Variants in SLC16A11 observed in about 807,000 individuals in gnomAD.
The protein encoded by SLC16A11 is monocarboxylate transporter 11.
A neutral mutation model predicts 26.0 loss-of-function variants in SLC16A11; 24 were observed. The observed-to-expected ratio is 0.92, with a 90% CI of 0.67 to 1.30. The LOEUF is 1.30. Among genes scored for constraint, SLC16A11 ranks in the 50% most tolerant of loss-of-function variants. SLC16A11 has a pLI of 0.00. For synonymous variants in SLC16A11, 332 were observed against 296.0 expected (o/e 1.12, Z -1.25); for missense variants, 638 against 597.7 (o/e 1.07, Z -0.70).
chr17:7,041,736 G>A lies in SLC16A11; in HGVS notation c.1287C>T (p.Pro429=), dbSNP rs1232339961. ...CTCCTGGGGACAGCAAGACTGCCTGGGGAGCGGGAAGCAGCTCCCCCGTCT... is the reference window on the plus strand; with the variant it reads ...CTCCTGGGGACAGCAAGACTGCCTGAGGAGCGGGAAGCAGCTCCCCCGTCT... ...PPETGELLPA[P]QAVLLSPGGP... is the part of the protein sequence containing the mutation. Residue 429 remains proline (P), a synonymous_variant, in exon 5 of 5, where the codon CCC becomes CCT. Coordinates refer to ENST00000574600, the MANE Select transcript of SLC16A11 (RefSeq NM_001370549.1). The A allele has an allele frequency of 6.2e-7, 1 of 1,613,220 alleles. No individual in the cohort carries two copies. The highest frequency in any genetic ancestry group is 8.5e-7 in the Non-Finnish European group (1 of 1,179,906).
rs750904010 is a variant in SLC16A11 at position 7,042,888 on chromosome 17, C to G, written c.346+42G>C. On this transcript the variant is annotated intron_variant, in intron 3 of 4. Coordinates refer to ENST00000574600, the MANE Select transcript of SLC16A11 (RefSeq NM_001370549.1). This position sits in a 1 kb window ranked among gnomAD's most constrained non-coding sequence, Gnocchi z 5.9. ...CCCAGATCCCAACAAGCTCCTGTCACCTCCTTCACCCTGAATGACCCGGGC... is the reference window on the plus strand; with the variant it reads ...CCCAGATCCCAACAAGCTCCTGTCAGCTCCTTCACCCTGAATGACCCGGGC... The G allele has an allele frequency of 6.2e-7, 1 of 1,611,690 alleles. No homozygotes were observed. Among genetic ancestry groups the G allele is most frequent in the Non-Finnish European group, 8.5e-7 (1 of 1,179,376 alleles).
At position 7,042,739 on chromosome 17, in the gene SLC16A11, GC is replaced by G. The variant is rs756825601; in HGVS notation, c.370del (p.Ala124ProfsTer4). 114 of 1,540,660 alleles carry G rather than the reference GC, an allele frequency of 7.4e-5. No homozygotes were observed. The East Asian group carries it at 2.6e-3, about 36-fold the overall frequency. The stretch of plus-strand genomic sequence containing the variant: ...ACGCGAGAGGGTGCCTAGGGCGGGG[GC>G]GAACACCAGGGCCCAACCAAAGCCT... ...LAGFGWALVF[A>X]PALGTLSRYF... On this transcript the variant is annotated frameshift_variant, in exon 4 of 5. Coordinates refer to ENST00000574600, the MANE Select transcript of SLC16A11 (RefSeq NM_001370549.1). LOFTEE classifies it high-confidence loss of function. The surrounding 1 kb of genome is among the most constrained non-coding windows in gnomAD (Gnocchi z 5.9).
In SLC16A11 at chr17:7,042,578, C is replaced by A. The variant is rs944076129; in HGVS notation, c.532G>T (p.Ala178Ser). ...CAGGGGGTGAGGTGGAGGGTGATCG[C>A]GCCGAGGAGGAGCAGAGCGCCCCGC... Reference protein sequence around the residue: ...GWRGALLLLGAITLHLTPCGA... With the variant: ...GWRGALLLLGSITLHLTPCGA... The change falls in exon 4 of 5, where the codon GCG becomes TCG. Residue 178 changes from alanine (A) to serine (S), a missense_variant. Physicochemically the swap from Ala to Ser is moderately conservative, Grantham distance 99 (BLOSUM62 1). Transcript: ENST00000574600. This position sits in a 1 kb window ranked among gnomAD's most constrained non-coding sequence, Gnocchi z 5.9. 16 of 1,583,286 alleles carry A rather than the reference C, an allele frequency of 1.0e-5. No individual in the cohort carries two copies. The highest frequency in any genetic ancestry group is 1.3e-5 in the African/African-American group (1 of 74,838).
Position 7,043,867 on chromosome 17 carries a change from G to A in SLC16A11, c.-99C>T. On this transcript the variant is annotated 5_prime_UTR_variant, in exon 1 of 5. Coordinates refer to ENST00000574600, the MANE Select transcript of SLC16A11 (RefSeq NM_001370549.1). ...TCCCAGGCGGGCGGGGGCCCCGAAG[G>A]GGAGCGAGGGCAGCGATGGAGCCCA... 1 of 395,188 alleles carries A rather than the reference G, an allele frequency of 2.5e-6. No individual in the cohort carries two copies. Among genetic ancestry groups the A allele is most frequent in the Non-Finnish European group, 4.5e-6 (1 of 222,252 alleles). The allele number at this position is 395,188 out of a possible 1,614,324, so 24.5% of individuals were successfully genotyped here. A position where few individuals can be genotyped will look rare whatever the true frequency, so the allele number is the denominator to read the frequency against.
intron 2 of SLC16A11, 35 bp from the exon 3 acceptor site, chr17:7,043,108 C>T: frequency 6.7e-7 from 1 of 1,494,192 alleles, no homozygotes; most frequent in African/African-American, 1.4e-5. Flanking sequence ...AGACACGCCC[C>T]CGGGCCCCCA....
Position 7,042,863 on chromosome 17 carries a change from C to A in SLC16A11, c.346+67G>T, listed in dbSNP as rs1269424515. On this transcript the variant is annotated intron_variant, in intron 3 of 4. Transcript: ENST00000574600. This position sits in a 1 kb window ranked among gnomAD's most constrained non-coding sequence, Gnocchi z 5.9. ...ACCAGGCCCCCGCCTCGTTCGCTAC[C>A]CCAGATCCCAACAAGCTCCTGTCAC... 1.9e-6 allele frequency: 3 copies of A among 1,604,360 alleles called. No homozygotes were observed. The African/African-American group carries it at 4.0e-5, about 21-fold the overall frequency.
Position 7,042,377 on chromosome 17 carries a change from C to A in SLC16A11, c.733G>T (p.Ala245Ser), listed in dbSNP as rs866755883. 2 of 1,565,980 alleles carry A rather than the reference C, an allele frequency of 1.3e-6. No homozygotes were observed. Among genetic ancestry groups the A allele is most frequent in the East Asian group, 2.4e-5 (1 of 41,986 alleles). The part of the protein sequence containing the change: ...FVPYVHLAPH[A>S]LDRGLGGYGA... ...TATCCCCCCAGGCCCCGGTCTAAAG[C>A]GTGGGGAGCCAAGTGCACGTAAGGA... Residue 245 changes from alanine (A) to serine (S), a missense_variant, in exon 4 of 5, where the codon GCT becomes TCT. Physicochemically the swap from Ala to Ser is moderately conservative, Grantham distance 99. Transcript: ENST00000574600. This position sits in a 1 kb window ranked among gnomAD's most constrained non-coding sequence, Gnocchi z 5.9.
rs75418188 is a variant in SLC16A11, at chr17:7,042,164, C to A, written c.946G>T (p.Gly316Cys). The A allele has an allele frequency of 1.1e-5, 17 of 1,572,002 alleles. No individual in the cohort carries two copies. Among genetic ancestry groups the A allele is most frequent in the Middle Eastern group, 1.7e-4 (1 of 6,002 alleles). ...PVVGGEESWGGPLLAAAVAYG... is the reference protein window; with the variant it reads ...PVVGGEESWGCPLLAAAVAYG... Reference sequence around the variant, plus strand: ...GCCACAGCCGCGGCCAGCAGGGGACCCCCCCAGCTCTCTTCGCCGCCCACC... The same window carrying A: ...GCCACAGCCGCGGCCAGCAGGGGACACCCCCAGCTCTCTTCGCCGCCCACC... The change falls in exon 4 of 5, where the codon GGT becomes TGT. Residue 316 changes from glycine (G) to cysteine (C), a missense_variant. Transcript: ENST00000574600. This position sits in a 1 kb window ranked among gnomAD's most constrained non-coding sequence, Gnocchi z 5.9.
Position 7,043,405 on chromosome 17 carries a change from G to A in SLC16A11, c.109C>T (p.Leu37Phe). 1.2e-6 allele frequency: 2 copies of A among 1,607,554 alleles called. No homozygotes were observed. The highest frequency in any genetic ancestry group is 8.5e-7 in the Non-Finnish European group (1 of 1,179,190). Residue 37 changes from leucine to phenylalanine, a missense_variant, in exon 2 of 5, where the codon CTT (leucine) becomes TTT (phenylalanine). Coordinates refer to ENST00000574600, the MANE Select transcript of SLC16A11 (RefSeq NM_001370549.1). ...TGCTCGGCAAGGTCAGGGAAGGCAA[G>A]GCCCAGCGAGCGCAGCAGCCCGTAG... ...LSYGLLRSLG[L>F]AFPDLAEHFD...
rs114454167 is a variant in SLC16A11, at chr17:7,043,420, G to A, written c.94C>T (p.Leu32=). 2.3e-4 allele frequency: 362 copies of A among 1,603,500 alleles called. 1 individual carries two copies. In the African/African-American group the frequency reaches 4.3e-3, roughly 19 times the overall value. ...GGGAAGGCAAGGCCCAGCGAGCGCA[G>A]CAGCCCGTAGGACAGCCCGTTTATC... ...FAINGLSYGL[L]RSLGLAFPDL... The change falls in exon 2 of 5, where the codon CTG becomes TTG. Residue 32 remains leucine, a synonymous_variant. Transcript: ENST00000574600.
chr17:7,043,479 C>T lies in SLC16A11; in HGVS notation c.35G>A (p.Gly12Asp), dbSNP rs1299981816. The T allele has an allele frequency of 1.3e-6, 2 of 1,598,446 alleles. No individual in the cohort carries two copies. ...TGCGGCCGCCACCACCCAGCCCCAG[C>T]CCCCATCCGGGGGTCCGGCGGGCTG... ...TPQPAGPPDGGWGWVVAAAAF... is the reference protein window; with the variant it reads ...TPQPAGPPDGDWGWVVAAAAF... The change falls in exon 2 of 5, where the codon GGC (glycine) becomes GAC (aspartate). Residue 12 changes from glycine to aspartate, a missense_variant. Gly to Asp is a moderately conservative substitution (Grantham distance 94). Coordinates refer to ENST00000574600, the MANE Select transcript of SLC16A11 (RefSeq NM_001370549.1).
In SLC16A11 at chr17:7,043,892, A is replaced by T. The variant is rs1910887376; in HGVS notation, c.-124T>A. On this transcript the variant is annotated 5_prime_UTR_variant, in exon 1 of 5. Coordinates refer to ENST00000574600, the MANE Select transcript of SLC16A11 (RefSeq NM_001370549.1). ...GGGAGCGAGGGCAGCGATGGAGCCC[A>T]ACTTGGACGGGCTCTCTCGGTAAAC... 2.9e-6 allele frequency: 1 copy of T among 350,442 alleles called. No homozygotes were observed. The allele number at this position is 350,442 out of a possible 1,614,324, so 21.7% of individuals were successfully genotyped here. A position where few individuals can be genotyped will look rare whatever the true frequency, so the allele number is the denominator to read the frequency against.
At position 7,043,447 on chromosome 17, in the gene SLC16A11, C is replaced by T. The variant is rs374135954; in HGVS notation, c.67G>A (p.Ala23Thr). 6.3e-7 allele frequency: 1 copy of T among 1,597,844 alleles called. No homozygotes were observed. The highest frequency in any genetic ancestry group is 1.1e-5 in the South Asian group (1 of 90,338). Residue 23 changes from alanine to threonine, a missense_variant, in exon 2 of 5, where the codon GCG (alanine) becomes ACG (threonine). Transcript: ENST00000574600. ...AGCCCGTAGGACAGCCCGTTTATCG[C>T]GAAGGCTGCGGCCGCCACCACCCAG... ...WGWVVAAAAF[A>T]INGLSYGLLR... is the part of the protein sequence containing the mutation.
Position 7,041,699 on chromosome 17 carries a change from T to A in SLC16A11, c.1324A>T (p.Thr442Ser). Residue 442 changes from threonine (T) to serine (S), a missense_variant, in exon 5 of 5, where the codon ACT becomes TCT. Physicochemically the swap from Thr to Ser is moderately conservative, Grantham distance 58. Transcript: ENST00000574600. ...AATAATCAACAAGTGGTGTCCAGAG[T>A]GGAGCCAGGGCCTCCTGGGGACAGC... ...VLLSPGGPGSTLDTTC is the reference protein window; with the variant it reads ...VLLSPGGPGSSLDTTC The A allele has an allele frequency of 6.2e-7, 1 of 1,608,312 alleles. No homozygotes were observed. The highest frequency in any genetic ancestry group is 1.7e-5 in the Admixed American group (1 of 59,284).
chr17:7,043,158 C>T (rs1830890540), intron 2 of SLC16A11, 85 bp from the exon 3 acceptor site: 2 of 1,459,262 alleles, frequency 1.4e-6, no homozygotes, highest in African/African-American at 2.9e-5. Flanking sequence ...TTGCCTCCCT[C>T]GAACTAATGG....
In SLC16A11 at chr17:7,042,921, T is replaced by A. The variant is rs1304044385; in HGVS notation, c.346+9A>T. The A allele has an allele frequency of 6.2e-7, 1 of 1,612,490 alleles. No individual in the cohort carries two copies. The highest frequency in any genetic ancestry group is 1.1e-5 in the South Asian group (1 of 90,942). On this transcript the variant is annotated intron_variant, in intron 3 of 4. Transcript: ENST00000574600. The surrounding 1 kb of genome is among the most constrained non-coding windows in gnomAD (Gnocchi z 5.9). ...ACCCTGAATGACCCGGGCATCCCACTTCCCTCACCAGCGAGGAGGCCCAGG... is the reference window on the plus strand; with the variant it reads ...ACCCTGAATGACCCGGGCATCCCACATCCCTCACCAGCGAGGAGGCCCAGG...
At position 7,042,626 on chromosome 17, in the gene SLC16A11, G is replaced by A; in HGVS notation, c.484C>T (p.Leu162Phe). The stretch of plus-strand genomic sequence containing the variant: ...CGCCAGCCGAAAGTATCGAGAAGAA[G>A]CTGCAAGGCGGGCGCCAGGAGCAGC... ...SSLLLAPALQ[L>F]LLDTFGWRGA... Residue 162 changes from leucine (L) to phenylalanine (F), a missense_variant, in exon 4 of 5, where the codon CTT (leucine) becomes TTT (phenylalanine). Physicochemically the swap from Leu to Phe is conservative, Grantham distance 22. Transcript: ENST00000574600. The surrounding 1 kb of genome is among the most constrained non-coding windows in gnomAD (Gnocchi z 5.9). 1 of 1,578,350 alleles carries A rather than the reference G, an allele frequency of 6.3e-7. No individual in the cohort carries two copies. The highest frequency in any genetic ancestry group is 1.3e-5 in the African/African-American group (1 of 74,814).
Position 7,042,156 on chromosome 17 carries a change from C to A in SLC16A11, c.954G>T (p.Leu318=). 1 of 1,578,598 alleles carries A rather than the reference C, an allele frequency of 6.3e-7. No individual in the cohort carries two copies. Among genetic ancestry groups the A allele is most frequent in the Non-Finnish European group, 8.6e-7 (1 of 1,163,238 alleles). Residue 318 remains leucine (L), a synonymous_variant, in exon 4 of 5, where the codon CTG becomes CTT. Coordinates refer to ENST00000574600, the MANE Select transcript of SLC16A11 (RefSeq NM_001370549.1). This position sits in a 1 kb window ranked among gnomAD's most constrained non-coding sequence, Gnocchi z 5.9. ...GCCCATAGGCCACAGCCGCGGCCAG[C>A]AGGGGACCCCCCCAGCTCTCTTCGC... ...VGGEESWGGP[L]LAAAVAYGLS... is the part of the protein sequence containing the mutation.
rs1191187665 is a variant in SLC16A11, at chr17:7,043,906, C to G, written c.-138G>C. Reference sequence around the variant, plus strand: ...CGATGGAGCCCAACTTGGACGGGCTCTCTCGGTAAACAGAGATCACCACAG... The same window carrying G: ...CGATGGAGCCCAACTTGGACGGGCTGTCTCGGTAAACAGAGATCACCACAG... On this transcript the variant is annotated 5_prime_UTR_variant, in exon 1 of 5. Transcript: ENST00000574600. The G allele has an allele frequency of 3.1e-6, 1 of 327,534 alleles. No homozygotes were observed. The highest frequency in any genetic ancestry group is 5.4e-5 in the East Asian group (1 of 18,646). The allele number at this position is 327,534 out of a possible 1,614,324, so 20.3% of individuals were successfully genotyped here. A position where few individuals can be genotyped will look rare whatever the true frequency, so the allele number is the denominator to read the frequency against.
Sources: gnomAD v4.1 joint callset for allele counts on GRCh38, gnomAD v4.1.1 for gene constraint, Gnocchi (gnomAD v3.1) non-coding constraint, MANE v1.5 for transcripts, NCBI Gene and HGNC (gene_info 2026-07-23, HGNC 2026-07-21) for gene names.